The following TFDP1 variants were observed in gnomAD, a reference collection of about 807,000 sequenced individuals.
TFDP1 encodes the protein transcription factor Dp-1, also known as DRTF1-polypeptide 1.
In TFDP1, 6 loss-of-function variants were observed where a neutral mutation model predicts 48.0. The observed-to-expected ratio is 0.13, with a 90% CI of 0.07 to 0.25. The LOEUF is 0.25. Among genes scored for constraint, TFDP1 ranks in the 10% least tolerant of loss-of-function variants. The probability of loss-of-function intolerance (pLI) is 1.00; values close to 1 mark genes in which losing one functional copy is unlikely to be tolerated. For synonymous variants in TFDP1, 201 were observed against 211.6 expected, an observed-to-expected ratio of 0.95 and a Z score of 0.44; for missense variants, 335 against 543.0, an observed-to-expected ratio of 0.62 and a Z score of 3.81.
intron 10 of TFDP1, chr13:113,637,581 G>GT: frequency 6.6e-7 from 1 of 1,513,544 alleles, no homozygotes; most frequent in Non-Finnish European, 8.8e-7. Context: ...AAGTCAGTGT[G>GT]TGCAGGTATT....
At chr13:113,632,776 A>T (rs993624671) in intron 5 of TFDP1, among the ~76,000 whole-genome samples, 1 of 152,202 alleles carries the variant, frequency 6.6e-6, no homozygotes, top group Admixed American at 6.5e-5. Context: ...ACTCCGTCTC[A>T]AAAAAGAAAA....
chr13:113,633,012 G>GC lies in TFDP1; in HGVS notation c.309-104dup. The GC allele has an allele frequency of 2.9e-6, 4 of 1,402,536 alleles. No homozygotes were observed. The highest frequency in any genetic ancestry group is 3.9e-6 in the Non-Finnish European group (4 of 1,023,082). The allele number at this position is 1,402,536 out of a possible 1,614,324, so 86.9% of individuals were successfully genotyped here. On this transcript the variant is annotated intron_variant, in intron 5 of 11. Coordinates refer to ENST00000375370, the MANE Select transcript of TFDP1 (RefSeq NM_007111.5). This position sits in a 1 kb window ranked among gnomAD's most constrained non-coding sequence, Gnocchi z 4.5. ...GGATCTGCTGCGCCCGTGGGACGTG[G>GC]CCCCTTTTTGTGCAGCTCATTAGAG...
At chr13:113,612,603 C>T (rs949052511) in intron 3 of TFDP1, among the ~76,000 whole-genome samples, 1 of 152,184 alleles carries the variant, frequency 6.6e-6, no homozygotes, top group Admixed American at 6.5e-5. Context: ...TAAAAAAGTT[C>T]ACCATTTTAT....
intron 2 of TFDP1, among the ~76,000 whole-genome samples, chr13:113,593,332 CT>C (rs2048195687): frequency 7.9e-6 from 1 of 127,062 alleles, no homozygotes; most frequent in Non-Finnish European, 1.6e-5. Flanking sequence ...GTCCTCAGCC[CT>C]GCCCAGGTGA....
chr13:113,610,090 C>T (rs1358904251), intron 2 of TFDP1, among the ~76,000 whole-genome samples: 2 of 152,172 alleles, frequency 1.3e-5, no homozygotes, highest in African/African-American at 2.4e-5. Context: ...TGTGTCTTGC[C>T]GTGTGGCTGT....
chr13:113,598,746 A>G lies in TFDP1; in HGVS notation c.13-12250A>G, dbSNP rs899650025. 6.6e-6 allele frequency among the ~76,000 whole-genome samples: 1 copy of G among 151,930 alleles called. No individual in the cohort carries two copies. Among genetic ancestry groups the G allele is most frequent in the East Asian group, 1.9e-4 (1 of 5,186 alleles). The stretch of plus-strand genomic sequence containing the variant: ...CCGGGAGGAGGCGTTCTCTGCCCCT[A>G]CGTGGCTCACACTGTGGTTCTGTGG... On this transcript the variant is annotated intron_variant, in intron 2 of 11. Coordinates refer to ENST00000375370, the MANE Select transcript of TFDP1 (RefSeq NM_007111.5). The surrounding 1 kb of genome is among the most constrained non-coding windows in gnomAD (Gnocchi z 4.2).
In TFDP1 at chr13:113,627,197, G is replaced by C. The variant is rs190499967; in HGVS notation, c.186+3911G>C. ...GGCATGTGAGTGAAAGCGGTGGGGA[G>C]GTCCTTAGGTCTCTGACCTGCACCA... is the stretch of plus-strand genomic sequence containing the variant. On this transcript the variant is annotated intron_variant, in intron 4 of 11. Coordinates refer to ENST00000375370, the MANE Select transcript of TFDP1 (RefSeq NM_007111.5). This position sits in a 1 kb window ranked among gnomAD's most constrained non-coding sequence, Gnocchi z 4.1. 1.3e-5 allele frequency among the ~76,000 whole-genome samples: 2 copies of C among 152,326 alleles called. No homozygotes were observed. The highest frequency in any genetic ancestry group is 6.5e-5 in the Admixed American group (1 of 15,312).
Position 113,631,683 on chromosome 13 carries a change from A to G in TFDP1, c.247A>G (p.Thr83Ala). 6.2e-7 allele frequency: 1 copy of G among 1,613,756 alleles called. No individual in the cohort carries two copies. Among genetic ancestry groups the G allele is most frequent in the Non-Finnish European group, 8.5e-7 (1 of 1,179,930 alleles). The change falls in exon 5 of 12, where the codon ACC becomes GCC. Residue 83 changes from threonine (T) to alanine (A), a missense_variant. Physicochemically the swap from Thr to Ala is moderately conservative, Grantham distance 58 (BLOSUM62 0). Around this residue, in one of 3 missense-constraint regions of TFDP1, gnomAD observed 103 missense variants for 140.4 expected, o/e 0.73. Coordinates refer to ENST00000375370, the MANE Select transcript of TFDP1 (RefSeq NM_007111.5). ...CACCCTGGTGGTAGGAAGCCCACAC[A>G]CCCCCAGCACTCACTTTGCCTCTCA... Reference protein sequence around the residue: ...SNTLVVGSPHTPSTHFASQNQ... With the variant: ...SNTLVVGSPHAPSTHFASQNQ...
chr13:113,593,911 C>T (rs1488089136), intron 2 of TFDP1, among the ~76,000 whole-genome samples: 3 of 136,676 alleles, frequency 2.2e-5, no homozygotes, highest in Admixed American at 7.4e-5. Flanking sequence ...GTGGTGTGTG[C>T]GGGTCCTCAG....
intron 2 of TFDP1, among the ~76,000 whole-genome samples, chr13:113,603,121 C>G (rs1293137106): frequency 1.3e-5 from 2 of 152,196 alleles, no homozygotes; most frequent in Non-Finnish European, 2.9e-5. Flanking sequence ...GTCAGTTGTT[C>G]AGTAGATTAG....
chr13:113,599,562 T>C (rs1487257503), intron 2 of TFDP1, among the ~76,000 whole-genome samples: 1 of 152,258 alleles, frequency 6.6e-6, no homozygotes, highest in South Asian at 2.1e-4. Flanking sequence ...TGTTGGGTGT[T>C]GGGGCCTTTG....
At chr13:113,609,790 T>C (rs1566651623) in intron 2 of TFDP1, among the ~76,000 whole-genome samples, 1 of 152,100 alleles carries the variant, frequency 6.6e-6, no homozygotes, top group Non-Finnish European at 1.5e-5. Context: ...GCAGCAACCC[T>C]CATCGCTGCC....
chr13:113,595,165 ATAAT>A (rs1468631202), intron 2 of TFDP1, among the ~76,000 whole-genome samples: 1 of 152,182 alleles, frequency 6.6e-6, no homozygotes, highest in Non-Finnish European at 1.5e-5. Flanking sequence ...AACGTGGGAG[ATAAT>A]TAAAAAAAAG....
intron 2 of TFDP1, among the ~76,000 whole-genome samples, chr13:113,592,345 C>T (rs922005115): frequency 1.2e-4 from 19 of 152,158 alleles, no homozygotes; most frequent in Admixed American, 3.9e-4. Flanking sequence ...TTAGTAGAGA[C>T]GGGGTTTCTT....
chr13:113,606,716 G>A (rs552912018), intron 2 of TFDP1, among the ~76,000 whole-genome samples: 1 of 152,348 alleles, frequency 6.6e-6, no homozygotes, highest in South Asian at 2.1e-4. Context: ...AACAGAGGCA[G>A]TCTAGGTGGT....
rs761857872 is a variant in TFDP1 at position 113,633,106 on chromosome 13, T to A, written c.309-14T>A. On this transcript the variant is annotated splice_polypyrimidine_tract_variant and intron_variant, in intron 5 of 11. Coordinates refer to ENST00000375370, the MANE Select transcript of TFDP1 (RefSeq NM_007111.5). This position sits in a 1 kb window ranked among gnomAD's most constrained non-coding sequence, Gnocchi z 4.5. ...GGGCTGACAGTCGCTTCTCTTTTCC[T>A]TTGTATTTTGAAGGAAGCGCAACAG... 2.5e-6 allele frequency: 4 copies of A among 1,607,652 alleles called. No individual in the cohort carries two copies. The South Asian group carries it at 4.4e-5, about 18-fold the overall frequency.
At position 113,640,260 on chromosome 13, in the gene TFDP1, A is replaced by G; in HGVS notation, c.1226A>G (p.Asp409Gly). 2 of 1,611,686 alleles carry G rather than the reference A, an allele frequency of 1.2e-6. No homozygotes were observed. The highest frequency in any genetic ancestry group is 1.7e-6 in the Non-Finnish European group (2 of 1,179,270). ...GATGACTTCAACGAGAATGACGAGGACGACTGACGTCCTCCCCACTTCAGA... is the reference window on the plus strand; with the variant it reads ...GATGACTTCAACGAGAATGACGAGGGCGACTGACGTCCTCCCCACTTCAGA... Reference protein sequence around the residue: ...EDDDFNENDEDD With the variant: ...EDDDFNENDEGD The change falls in exon 12 of 12, where the codon GAC becomes GGC. Residue 409 changes from aspartate (D) to glycine (G), a missense_variant. Physicochemically the swap from Asp to Gly is moderately conservative, Grantham distance 94. Coordinates refer to ENST00000375370, the MANE Select transcript of TFDP1 (RefSeq NM_007111.5).
At chr13:113,622,007 A>G (rs893984528) in intron 3 of TFDP1, among the ~76,000 whole-genome samples, 3 of 152,214 alleles carry the variant, frequency 2.0e-5, no homozygotes, top group African/African-American at 7.2e-5. Flanking sequence ...TCTGATATGC[A>G]GAAATAATGG....
chr13:113,631,316 G>T (rs1027503524), intron 4 of TFDP1, among the ~76,000 whole-genome samples: 1 of 152,202 alleles, frequency 6.6e-6, no homozygotes, highest in African/African-American at 2.4e-5. Flanking sequence ...GTGCGGTTTG[G>T]GGGTCACGCT....
Sources: allele counts gnomAD v4.1 joint callset (sites outside exome capture counted in the v4.1 genomes callset), GRCh38; gene constraint gnomAD v4.1.1; regional missense constraint gnomAD v4.1.1; non-coding constraint Gnocchi (gnomAD v3.1); transcripts MANE v1.5; gene names NCBI Gene and HGNC (gene_info 2026-07-23, HGNC 2026-07-21).